The following AGBL1 variants were observed in gnomAD, a reference collection of about 807,000 sequenced individuals.
The protein encoded by AGBL1 is cytosolic carboxypeptidase 4.
Under a neutral mutation model 118.9 loss-of-function variants are expected in AGBL1, and 130 were observed. That is an observed-to-expected ratio of 1.09 (90% CI 0.95 to 1.26). The LOEUF (loss-of-function observed/expected upper bound fraction) is 1.26, where lower values mean the gene tolerates loss of function less well. AGBL1 is among the 50% of genes most tolerant of loss of function. The pLI, the probability that AGBL1 is intolerant of heterozygous loss-of-function variation, is 0.00. For missense variants in AGBL1, 1,584 were observed against 1,298.1 expected (o/e 1.22, Z -3.38); for synonymous variants, 555 against 478.9 (o/e 1.16, Z -2.08).
intron 5 of AGBL1, among the ~76,000 whole-genome samples, chr15:86,186,301 TCTGTGCAGCACAGGTTTAC>T (rs2077632499): frequency 6.6e-6 from 1 of 152,220 alleles, no homozygotes; most frequent in Admixed American, 6.6e-5. Flanking sequence ...GATGGGTTGA[TCTGTGCAGCACAGGTTTAC>T]CTGTGTAACA....
At chr15:86,113,998 T>C (rs1440592392) in intron 1 of AGBL1, among the ~76,000 whole-genome samples, 1 of 152,222 alleles carries the variant, frequency 6.6e-6, no homozygotes, top group Non-Finnish European at 1.5e-5. Flanking sequence ...TTAAGAGCAT[T>C]CTACACATAA....
intron 7 of AGBL1, among the ~76,000 whole-genome samples, chr15:86,248,788 A>T (rs752673283): frequency 6.6e-5 from 10 of 152,222 alleles, no homozygotes; most frequent in Non-Finnish European, 1.2e-4. Context: ...AGATAATTTC[A>T]TATCGCACTG....
intron 22 of AGBL1, among the ~76,000 whole-genome samples, chr15:86,849,962 T>A (rs2079381991): frequency 6.6e-6 from 1 of 152,208 alleles, no homozygotes; most frequent in Non-Finnish European, 1.5e-5. Flanking sequence ...AAGAAAAAAA[T>A]TGTTAATCTT....
chr15:86,355,699 G>C (rs758950303), intron 17 of AGBL1, among the ~76,000 whole-genome samples: 1 of 152,144 alleles, frequency 6.6e-6, no homozygotes, highest in Non-Finnish European at 1.5e-5. Context: ...CAACAGAATT[G>C]GTCCTGCTGA....
chr15:86,092,770 A>T (rs1896118585), intron 1 of AGBL1, among the ~76,000 whole-genome samples: 1 of 152,156 alleles, frequency 6.6e-6, no homozygotes, highest in Non-Finnish European at 1.5e-5. Flanking sequence ...CACATGATGG[A>T]AAGCCAAAGA....
intron 6 of AGBL1, among the ~76,000 whole-genome samples, chr15:86,229,643 A>T (rs990162752): frequency 1.3e-5 from 2 of 150,928 alleles, no homozygotes; most frequent in African/African-American, 2.4e-5. Context: ...GTCATTTCTC[A>T]TTTCCCTGTC....
chr15:86,760,143 A>G lies in AGBL1; in HGVS notation c.3158+85707A>G, dbSNP rs537196455. Among the ~76,000 whole-genome samples, 11 of 152,170 alleles carry G rather than the reference A, an allele frequency of 7.2e-5. No individual in the cohort carries two copies. The South Asian group carries it at 2.3e-3, about 32-fold the overall frequency. On this transcript the variant is annotated intron_variant, in intron 22 of 22. Coordinates refer to ENST00000614907, the MANE Select transcript of AGBL1 (RefSeq NM_001386094.1). The stretch of plus-strand genomic sequence containing the variant: ...CATTATGCTAGTTTGTCTTTTTAGT[A>G]TTAAGAGAATGAGGCCCTGGTTGTT...
chr15:86,953,405 T>A (rs1452283314), intron 23 of AGBL1, among the ~76,000 whole-genome samples: 2 of 151,642 alleles, frequency 1.3e-5, no homozygotes, highest in Non-Finnish European at 2.9e-5. Context: ...TTTGGATTTT[T>A]TTTTTTTTTT....
intron 13 of AGBL1, among the ~76,000 whole-genome samples, chr15:86,268,587 CA>C (rs1419499226): frequency 2.0e-5 from 3 of 152,136 alleles, no homozygotes; most frequent in Non-Finnish European, 4.4e-5. Flanking sequence ...ATAGCAGAAA[CA>C]AACCTACTTA....
At chr15:86,146,761 G>A (rs111423042) in intron 3 of AGBL1, among the ~76,000 whole-genome samples, 37 of 152,014 alleles carry the variant, frequency 2.4e-4, no homozygotes, top group African/African-American at 8.7e-4. Flanking sequence ...GAACAGAAAT[G>A]AGGTTGGCTG....
intron 18 of AGBL1, among the ~76,000 whole-genome samples, chr15:86,459,206 G>A (rs1456371054): frequency 6.6e-6 from 1 of 152,126 alleles, no homozygotes; most frequent in Non-Finnish European, 1.5e-5. Context: ...AACAGCTGCA[G>A]TGTTATTGTT....
At chr15:86,418,232 T>C (rs1474807646) in intron 18 of AGBL1, among the ~76,000 whole-genome samples, 1 of 152,224 alleles carries the variant, frequency 6.6e-6, no homozygotes, top group Non-Finnish European at 1.5e-5. Context: ...AGAAGACATA[T>C]CACCAAAGGC....
chr15:86,709,128 C>T (rs969940353), intron 22 of AGBL1, among the ~76,000 whole-genome samples: 7 of 152,098 alleles, frequency 4.6e-5, no homozygotes, highest in Non-Finnish European at 7.4e-5. Context: ...ATGGTATTCC[C>T]TCTCCTGGAA....
intron 21 of AGBL1, among the ~76,000 whole-genome samples, chr15:86,600,004 A>C (rs756057244): frequency 2.0e-5 from 3 of 152,266 alleles, no homozygotes; most frequent in East Asian, 1.9e-4. Context: ...TTGGCAGTAC[A>C]TTTAGTCCCA....
At chr15:86,627,770 G>C (rs2084908938) in intron 21 of AGBL1, among the ~76,000 whole-genome samples, 1 of 152,196 alleles carries the variant, frequency 6.6e-6, no homozygotes, top group South Asian at 2.1e-4. Flanking sequence ...AAGCAGCAGG[G>C]TCAGTAGTGG....
At chr15:86,602,951 C>T (rs1255796293) in intron 21 of AGBL1, among the ~76,000 whole-genome samples, 1 of 152,100 alleles carries the variant, frequency 6.6e-6, no homozygotes, top group African/African-American at 2.4e-5. Context: ...TAAATCAGGC[C>T]TCTCACCCTG....
chr15:86,251,317 C>G lies in AGBL1; in HGVS notation c.735+3438C>G, dbSNP rs114250827. On this transcript the variant is annotated intron_variant, in intron 7 of 22. Transcript: ENST00000614907. Reference sequence around the variant, plus strand: ...GCAGCTCCCCCAGTTGAGCATGCATCAGAGTCACCTGGAGGGGTCACTGAA... The same window carrying G: ...GCAGCTCCCCCAGTTGAGCATGCATGAGAGTCACCTGGAGGGGTCACTGAA... Among the ~76,000 whole-genome samples the G allele has an allele frequency of 5.9e-3, 895 of 152,244 alleles. 5 individuals are homozygous for G. The highest frequency in any genetic ancestry group is 0.021 in the African/African-American group (867 of 41,534).
intron 22 of AGBL1, among the ~76,000 whole-genome samples, chr15:86,720,024 C>T (rs2086693604): frequency 6.6e-6 from 1 of 152,156 alleles, no homozygotes; most frequent in Non-Finnish European, 1.5e-5. Context: ...ACTCTGATTT[C>T]CCAGACCTTT....
intron 21 of AGBL1, among the ~76,000 whole-genome samples, chr15:86,582,714 A>G (rs1184790062): frequency 6.6e-6 from 1 of 152,128 alleles, no homozygotes; most frequent in Non-Finnish European, 1.5e-5. Context: ...CTTTGTAGGG[A>G]CATGGATGAA....
Sources: allele counts gnomAD v4.1 joint callset (sites outside exome capture counted in the v4.1 genomes callset), GRCh38; gene constraint gnomAD v4.1.1; transcripts MANE v1.5; gene names NCBI Gene and HGNC (gene_info 2026-07-23, HGNC 2026-07-21).